The following CNBD1 variants were observed in gnomAD, a reference collection of about 807,000 sequenced individuals.
CNBD1 encodes cyclic nucleotide binding domain containing 1, also known as cyclic nucleotide-binding domain-containing protein 1.
In CNBD1, 71 loss-of-function variants were observed where a neutral mutation model predicts 54.4. That is an observed-to-expected ratio of 1.30 (90% confidence interval 1.08 to 1.59). The LOEUF is 1.59. Ranked by LOEUF, CNBD1 falls within the 40% of genes most tolerant of loss-of-function variation. The pLI is 0.00. For synonymous variants in CNBD1, 182 were observed against 170.7 expected (o/e 1.07, Z -0.51); for missense variants, 659 against 518.0 (o/e 1.27, Z -2.64).
At chr8:87,284,933 A>G in intron 7 of CNBD1, 118 bp downstream of exon 7, 1 of 736,162 alleles carries the variant, frequency 1.4e-6, no homozygotes. Context: ...AATTTAACCT[A>G]GAGACCATAA....
chr8:87,006,033 CAT>C (rs1809091242), intron 4 of CNBD1, among the ~76,000 whole-genome samples: 1 of 152,140 alleles, frequency 6.6e-6, no homozygotes, highest in African/African-American at 2.4e-5. Flanking sequence ...AGGGAGGAAA[CAT>C]GTCTAAAATT....
In CNBD1 at chr8:86,997,651, G is replaced by T. The variant is rs1231095008; in HGVS notation, c.431+57897G>T. ...CTTTCCCATGGCCCAATGTAGCAGG[G>T]CTTGTAAAAACCACAGGAGACAGCA... On this transcript the variant is annotated intron_variant, in intron 4 of 10. Coordinates refer to ENST00000518476, the MANE Select transcript of CNBD1 (RefSeq NM_173538.3). Among the ~76,000 whole-genome samples the T allele has an allele frequency of 2.6e-5, 4 of 152,126 alleles. No homozygotes were observed. In the East Asian group the frequency reaches 5.8e-4, roughly 22 times the overall value.
intron 4 of CNBD1, among the ~76,000 whole-genome samples, chr8:86,965,115 A>G (rs2130478519): frequency 6.6e-6 from 1 of 152,226 alleles, no homozygotes. Flanking sequence ...TATATTATAT[A>G]CTTTCAATGA....
chr8:87,390,521 C>A (rs1194609669), intron 2 of CNBD1, among the ~76,000 whole-genome samples: 1 of 152,094 alleles, frequency 6.6e-6, no homozygotes, highest in African/African-American at 2.4e-5. Context: ...CAGAAAAATG[C>A]AAATCAAAAC....
chr8:87,135,049 A>C (rs1302578096), intron 4 of CNBD1, among the ~76,000 whole-genome samples: 1 of 152,106 alleles, frequency 6.6e-6, no homozygotes, highest in Non-Finnish European at 1.5e-5. Context: ...TTTCCTAAAA[A>C]TGTATTTTGA....
At chr8:87,412,199 T>A (rs1396070523) in intron 2 of CNBD1, among the ~76,000 whole-genome samples, 1 of 152,140 alleles carries the variant, frequency 6.6e-6, no homozygotes, top group Non-Finnish European at 1.5e-5. Flanking sequence ...TGGAAAATGC[T>A]AATCATTTAT....
intron 5 of CNBD1, among the ~76,000 whole-genome samples, chr8:87,230,386 A>C (rs1050301255): frequency 6.6e-6 from 1 of 152,190 alleles, no homozygotes; most frequent in East Asian, 1.9e-4. Flanking sequence ...TAAAACTAAC[A>C]TACATTTGTA....
At chr8:87,304,694 T>G (rs1462774634) in intron 8 of CNBD1, among the ~76,000 whole-genome samples, 5 of 152,076 alleles carry the variant, frequency 3.3e-5, no homozygotes, top group Admixed American at 2.6e-4. Flanking sequence ...AGAAAAAGCA[T>G]TCAACAAAAT....
chr8:86,879,428 A>C (rs1808570843), intron 1 of CNBD1, among the ~76,000 whole-genome samples: 1 of 152,228 alleles, frequency 6.6e-6, no homozygotes, highest in Non-Finnish European at 1.5e-5. Context: ...TCTATGGAAG[A>C]CGAGTTTCAA....
At chr8:87,105,586 C>T (rs889811210) in intron 4 of CNBD1, among the ~76,000 whole-genome samples, 1 of 152,116 alleles carries the variant, frequency 6.6e-6, no homozygotes, top group Non-Finnish European at 1.5e-5. Flanking sequence ...GCCCCTCTGT[C>T]ACCTGGAAAA....
At chr8:87,236,276 A>G (rs1389747677) in intron 5 of CNBD1, among the ~76,000 whole-genome samples, 1 of 152,144 alleles carries the variant, frequency 6.6e-6, no homozygotes, top group Non-Finnish European at 1.5e-5. Flanking sequence ...AAGTTGCATT[A>G]GAAATATTCA....
intron 1 of CNBD1, among the ~76,000 whole-genome samples, chr8:86,870,209 G>A (rs1005680639): frequency 3.5e-5 from 1 of 28,728 alleles, no homozygotes; most frequent in Non-Finnish European, 6.1e-5. Context: ...TTTTTTCTGA[G>A]ACGGAATCTC....
chr8:87,115,383 G>C (rs184059483), intron 4 of CNBD1, among the ~76,000 whole-genome samples: 2 of 152,036 alleles, frequency 1.3e-5, no homozygotes, highest in Admixed American at 1.3e-4. Context: ...TGTAGATTAA[G>C]GTATTTACCA....
chr8:87,250,792 A>G (rs983702177), intron 6 of CNBD1, among the ~76,000 whole-genome samples: 1 of 152,200 alleles, frequency 6.6e-6, no homozygotes, highest in African/African-American at 2.4e-5. Flanking sequence ...TCATGGAGAT[A>G]GTGAGTGGAA....
At chr8:86,898,103 A>T (rs1214381294) in intron 2 of CNBD1, among the ~76,000 whole-genome samples, 3 of 152,198 alleles carry the variant, frequency 2.0e-5, no homozygotes, top group South Asian at 2.1e-4. Context: ...ATGGGAAAAA[A>T]GTAAGTTGCA....
chr8:87,233,303 C>T (rs541753016), intron 5 of CNBD1, among the ~76,000 whole-genome samples: 16 of 152,212 alleles, frequency 1.1e-4, no homozygotes, highest in Admixed American at 4.6e-4. Context: ...ATTTATTATA[C>T]AGGCACTCCT....
chr8:87,187,865 A>G (rs1204738089), intron 4 of CNBD1, among the ~76,000 whole-genome samples: 3 of 152,214 alleles, frequency 2.0e-5, no homozygotes, highest in African/African-American at 7.2e-5. Context: ...CTGAACTTTC[A>G]AAATGTAAAT....
At chr8:86,958,320 G>T (rs976855550) in intron 4 of CNBD1, among the ~76,000 whole-genome samples, 1 of 152,212 alleles carries the variant, frequency 6.6e-6, no homozygotes, top group Non-Finnish European at 1.5e-5. Flanking sequence ...GATTTGGCAT[G>T]GAGAGTTCTG....
At position 87,326,343 on chromosome 8, in the gene CNBD1, G is replaced by A. The variant is rs576907042; in HGVS notation, c.1043-25342G>A. On this transcript the variant is annotated intron_variant, in intron 8 of 10. Coordinates refer to ENST00000518476, the MANE Select transcript of CNBD1 (RefSeq NM_173538.3). ...TTCTCTGTATTTCCTGAATCTGAACGTTGGCCTGCCTTGCTAGATTGGGGA... is the reference window on the plus strand; with the variant it reads ...TTCTCTGTATTTCCTGAATCTGAACATTGGCCTGCCTTGCTAGATTGGGGA... Among the ~76,000 whole-genome samples, 168 of 125,066 alleles carry A rather than the reference G, an allele frequency of 1.3e-3. 30 individuals are homozygous for A. Among genetic ancestry groups the A allele is most frequent in the African/African-American group, 4.0e-3 (136 of 34,166 alleles). 82.0% of individuals were successfully genotyped at this position (125,066 alleles called of 152,430 possible).
Sources: allele counts gnomAD v4.1 joint callset (sites outside exome capture counted in the v4.1 genomes callset), GRCh38; gene constraint gnomAD v4.1.1; transcripts MANE v1.5; gene names NCBI Gene and HGNC (gene_info 2026-07-23, HGNC 2026-07-21).